The following LETM2 variants were observed in gnomAD, a reference collection of about 807,000 sequenced individuals.
LETM2 encodes the protein leucine zipper and EF-hand containing transmembrane protein 2, also known as LETM1 domain-containing protein LETM2, mitochondrial.
LETM2 carries 58 observed loss-of-function variants against 59.6 expected under a neutral mutation model. That is an observed-to-expected ratio of 0.97 (90% CI 0.79 to 1.21). LETM2 has a LOEUF of 1.21. LETM2 is among the 50% of genes most tolerant of loss of function. The pLI is 0.00. For missense variants in LETM2, 572 were observed against 575.7 expected (o/e 0.99, Z 0.07); for synonymous variants, 199 against 214.1 (o/e 0.93, Z 0.62).
At chr8:38,382,953 G>A (rs1450447082), upstream of LETM2, 1 of 152,080 alleles carries the variant, frequency 6.6e-6, no homozygotes, top group Non-Finnish European at 1.5e-5. This position sits in a 1 kb window ranked among gnomAD's most constrained non-coding sequence, Gnocchi z 4.2. Flanking sequence ...GGAGCGCCTC[G>A]ACCTCCCCGG....
chr8:38,406,883 A>G lies in LETM2; in HGVS notation c.1219-63A>G, dbSNP rs1813762062. The G allele has an allele frequency of 6.3e-6, 7 of 1,107,848 alleles. No individual in the cohort carries two copies. The African/African-American group carries it at 7.8e-5, about 12-fold the overall frequency. 68.6% of individuals were successfully genotyped at this position (1,107,848 alleles called of 1,614,324 possible). A position where few individuals can be genotyped will look rare whatever the true frequency, so the allele number is the denominator to read the frequency against. On this transcript the variant is annotated intron_variant, in intron 8 of 10. Coordinates refer to ENST00000379957, the MANE Select transcript of LETM2 (RefSeq NM_001286819.2). ...TGCTAAAAAAGGCATTGACTACTGT[A>G]AAAGTTTCTGGGTTTTAGGAAGAGC...
At chr8:38,390,966 C>G (rs909969249) in intron 2 of LETM2, among the ~76,000 whole-genome samples, 8 of 151,900 alleles carry the variant, frequency 5.3e-5, no homozygotes, top group Non-Finnish European at 1.2e-4. Flanking sequence ...CAGGCATGAG[C>G]CAGCGTGCCT....
At chr8:38,399,412 A>G (rs1484219045) in intron 4 of LETM2, among the ~76,000 whole-genome samples, 1 of 152,104 alleles carries the variant, frequency 6.6e-6, no homozygotes, top group African/African-American at 2.4e-5. Flanking sequence ...TTTGTTTGTA[A>G]AGAAAAACCC....
In LETM2 at chr8:38,408,233, A is replaced by C; in HGVS notation, c.1435A>C (p.Met479Leu). 2 of 1,613,098 alleles carry C rather than the reference A, an allele frequency of 1.2e-6. No homozygotes were observed. The highest frequency in any genetic ancestry group is 8.5e-7 in the Non-Finnish European group (1 of 1,179,620). ...CTAGACACTCCAGGCCAAATCACAA[A>C]TGACGGCCCAGAACAGCAAGGCTAG... is the stretch of plus-strand genomic sequence containing the variant. ...EEPTLQAKSQMTAQNSKASSK... is the reference protein window; with the variant it reads ...EEPTLQAKSQLTAQNSKASSK... The change falls in exon 11 of 11, where the codon ATG becomes CTG. Residue 479 changes from methionine to leucine, a missense_variant. Met to Leu is a conservative substitution (Grantham distance 15, BLOSUM62 2). Transcript: ENST00000379957.
chr8:38,406,886 A>G (rs1813762637), intron 8 of LETM2, 60 bp from the exon 9 acceptor site: 1 of 1,136,246 alleles, frequency 8.8e-7, no homozygotes, highest in African/African-American at 1.6e-5. Flanking sequence ...CTACTGTAAA[A>G]GTTTCTGGGT....
intron 4 of LETM2, among the ~76,000 whole-genome samples, chr8:38,398,745 C>CA (rs1170324405): frequency 9.8e-5 from 12 of 122,072 alleles, no homozygotes; most frequent in African/African-American, 3.7e-4. Context: ...TTTTTTGAGA[C>CA]AGAGTCTCGT....
rs564083633 is a variant in LETM2 at position 38,401,014 on chromosome 8, GCTC to G, written c.948_950del (p.Leu317del). The G allele has an allele frequency of 3.5e-4, 567 of 1,614,056 alleles. 4 individuals carry two copies. The South Asian group carries it at 4.0e-3, about 11-fold the overall frequency. ...GAACCAACAACCTGCTCCGCTTTCA[GCTC>G]CTGATGAAACTGAAGTCTATAAAAG... On this transcript the variant is annotated inframe_deletion, in exon 6 of 11. Transcript: ENST00000379957.
chr8:38,407,392 ACAT>A lies in LETM2; in HGVS notation c.1348_1350del (p.Ser450del), dbSNP rs1813814645. On this transcript the variant is annotated inframe_deletion, in exon 10 of 11. Transcript: ENST00000379957. ...AGACTTTATACAGCCGCCACCAGTT[ACAT>A]CATCACCCATAACACCATCAACACC... 1.2e-6 allele frequency: 2 copies of A among 1,613,414 alleles called. No individual in the cohort carries two copies. The highest frequency in any genetic ancestry group is 1.7e-6 in the Non-Finnish European group (2 of 1,179,428).
intron 7 of LETM2, 26 bp from the exon 8 acceptor site, chr8:38,404,367 C>A: frequency 1.4e-6 from 2 of 1,462,384 alleles, no homozygotes; most frequent in Non-Finnish European, 1.9e-6. Flanking sequence ...CTGATTCTCA[C>A]GTGTTGTTCC....
At chr8:38,393,240 G>T (rs1812441580) in intron 3 of LETM2, 4 of 435,270 alleles carry the variant, frequency 9.2e-6, no homozygotes, top group Non-Finnish European at 1.6e-5. Context: ...AGGTTCAGGG[G>T]TACATGTGCA....
Position 38,408,345 on chromosome 8 carries a change from C to T in LETM2, c.*71C>T, listed in dbSNP as rs968339134. 7.6e-6 allele frequency: 10 copies of T among 1,313,000 alleles called. No homozygotes were observed. The highest frequency in any genetic ancestry group is 5.0e-5 in the South Asian group (4 of 80,410). 81.3% of individuals were successfully genotyped at this position (1,313,000 alleles called of 1,614,324 possible). ...CAACAGTGGCATCTGTAAAGGACCT[C>T]CCAGATAAGACTGTCTGGCTTCAGA... On this transcript the variant is annotated 3_prime_UTR_variant, in exon 11 of 11. Transcript: ENST00000379957.
At chr8:38,383,798 G>T (rs1811668464), upstream of LETM2, among the ~76,000 whole-genome samples, 1 of 151,634 alleles carries the variant, frequency 6.6e-6, no homozygotes, top group Non-Finnish European at 1.5e-5. Flanking sequence ...GGCGTGGTGG[G>T]GGGCGCCTGT....
At chr8:38,399,521 T>C (rs1441239682) in intron 4 of LETM2, among the ~76,000 whole-genome samples, 1 of 152,136 alleles carries the variant, frequency 6.6e-6, no homozygotes, top group Non-Finnish European at 1.5e-5. Flanking sequence ...CTCAAGCCTG[T>C]AATCCCAGCA....
rs1447655143 is a variant in LETM2 at position 38,408,449 on chromosome 8, A to G, written c.*175A>G. ...TCCAGGTGATGTGGGTAGTGAGACCAAGTTCAGACCACTTAGAAAAATATA... is the reference window on the plus strand; with the variant it reads ...TCCAGGTGATGTGGGTAGTGAGACCGAGTTCAGACCACTTAGAAAAATATA... On this transcript the variant is annotated 3_prime_UTR_variant, in exon 11 of 11. Coordinates refer to ENST00000379957, the MANE Select transcript of LETM2 (RefSeq NM_001286819.2). The G allele has an allele frequency of 5.2e-6, 3 of 580,788 alleles. No homozygotes were observed. The highest frequency in any genetic ancestry group is 3.1e-5 in the Admixed American group (1 of 32,340). The allele number at this position is 580,788 out of a possible 1,614,324, so 36.0% of individuals were successfully genotyped here. A position where few individuals can be genotyped will look rare whatever the true frequency, so the allele number is the denominator to read the frequency against.
At position 38,392,650 on chromosome 8, in the gene LETM2, G is replaced by C; in HGVS notation, c.156G>C (p.Glu52Asp). 1.2e-6 allele frequency: 2 copies of C among 1,614,064 alleles called. No homozygotes were observed. The highest frequency in any genetic ancestry group is 1.1e-5 in the South Asian group (1 of 91,078). The change falls in exon 3 of 11, where the codon GAG (glutamate) becomes GAC (aspartate). Residue 52 changes from glutamate to aspartate, a missense_variant. Glu to Asp is a conservative substitution (Grantham distance 45, BLOSUM62 2). Coordinates refer to ENST00000379957, the MANE Select transcript of LETM2 (RefSeq NM_001286819.2). ...ATAAGACATGTATGAAGAACTATGAGAGCAAGAAGTACTCGGATCCTAGTC... is the reference window on the plus strand; with the variant it reads ...ATAAGACATGTATGAAGAACTATGACAGCAAGAAGTACTCGGATCCTAGTC... ...HLNKTCMKNY[E>D]SKKYSDPSQP... is the part of the protein sequence containing the mutation.
chr8:38,401,878 G>C (rs1373474021), intron 6 of LETM2, among the ~76,000 whole-genome samples: 1 of 152,152 alleles, frequency 6.6e-6, no homozygotes, highest in African/African-American at 2.4e-5. Flanking sequence ...TTAAAAAATG[G>C]AAGGAATGTT....
At position 38,392,624 on chromosome 8, in the gene LETM2, A is replaced by G. The variant is rs779305461; in HGVS notation, c.130A>G (p.Asn44Asp). The change falls in exon 3 of 11, where the codon AAT (asparagine) becomes GAT (aspartate). Residue 44 changes from asparagine (N) to aspartate (D), a missense_variant. Coordinates refer to ENST00000379957, the MANE Select transcript of LETM2 (RefSeq NM_001286819.2). The part of the protein sequence containing the change: ...AFLHLPDSHL[N>D]KTCMKNYESK... ...TCTTCACTTGCCAGATTCCCATTTA[A>G]ATAAGACATGTATGAAGAACTATGA... The G allele has an allele frequency of 1.2e-6, 2 of 1,613,922 alleles. No individual in the cohort carries two copies. The highest frequency in any genetic ancestry group is 2.2e-5 in the South Asian group (2 of 91,080).
chr8:38,403,320 G>C (rs921005097), intron 7 of LETM2, among the ~76,000 whole-genome samples: 3 of 152,196 alleles, frequency 2.0e-5, no homozygotes, highest in African/African-American at 7.2e-5. Flanking sequence ...AGAGGGTGTG[G>C]GTATTGCAGG....
At position 38,394,176 on chromosome 8, in the gene LETM2, T is replaced by C; in HGVS notation, c.580T>C (p.Leu194=). 6.6e-7 allele frequency: 1 copy of C among 1,517,412 alleles called. No individual in the cohort carries two copies. 94.0% of individuals were successfully genotyped at this position (1,517,412 alleles called of 1,614,324 possible). Residue 194 remains leucine, a synonymous_variant, in exon 4 of 11, where the codon TTA becomes CTA. Transcript: ENST00000379957. ...AATTGTACCCTTCATGGAATTCTTA[T>C]TACCAGTGTTTCTGAAACTCTTCCC... is the stretch of plus-strand genomic sequence containing the variant. The part of the protein sequence containing the change: ...FLIVPFMEFL[L]PVFLKLFPEM...
Sources: gnomAD v4.1 joint callset for allele counts (sites outside exome capture counted in the v4.1 genomes callset) on GRCh38, gnomAD v4.1.1 for gene constraint, Gnocchi (gnomAD v3.1) non-coding constraint, MANE v1.5 for transcripts, NCBI Gene and HGNC (gene_info 2026-07-23, HGNC 2026-07-21) for gene names.